Variants in CFAP54 observed in about 807,000 individuals in gnomAD.
CFAP54 encodes cilia and flagella associated protein 54.
In CFAP54, 290 loss-of-function variants were observed where a neutral mutation model predicts 370.4. The observed-to-expected ratio is 0.78, with a 90% CI of 0.71 to 0.86. The LOEUF is 0.86. CFAP54 is among the 40% of genes least tolerant of loss of function. The pLI, the probability that CFAP54 is intolerant of heterozygous loss-of-function variation, is 0.00. For synonymous variants in CFAP54, 1,206 were observed against 1,236.5 expected (o/e 0.98, Z 0.52); for missense variants, 3,399 against 3,528.7 (o/e 0.96, Z 0.93).
At chr12:96,624,871 ATTAG>A (rs1159685667) in intron 28 of CFAP54, among the ~76,000 whole-genome samples, 1 of 152,204 alleles carries the variant, frequency 6.6e-6, no homozygotes, top group Non-Finnish European at 1.5e-5. Flanking sequence ...TATTCCCATA[ATTAG>A]TTTACCTAGC....
chr12:96,874,730 C>T (rs1172895241), intron 67 of CFAP54, among the ~76,000 whole-genome samples: 2 of 147,776 alleles, frequency 1.4e-5, no homozygotes, highest in Admixed American at 6.8e-5. Flanking sequence ...CCCGGGTTCA[C>T]GCCATTCTCC....
intron 67 of CFAP54, among the ~76,000 whole-genome samples, chr12:96,870,210 G>A (rs1049291729): frequency 2.6e-5 from 4 of 151,548 alleles, no homozygotes; most frequent in African/African-American, 7.3e-5. Context: ...GCAGTGAGCC[G>A]AGATCGCACC....
Position 96,786,868 on chromosome 12 carries a change from AG to A in CFAP54, c.8650del (p.Glu2884LysfsTer34). On this transcript the variant is annotated frameshift_variant, in exon 62 of 68. Coordinates refer to ENST00000524981, the MANE Select transcript of CFAP54 (RefSeq NM_001306084.2). LOFTEE classifies it high-confidence loss of function. Reference protein sequence around the residue: ...LCQLENPPLSEKDLRESSAKL... With the variant: ...LCQLENPPLSXKDLRESSAKL... ...GTCAACTGGAAAATCCCCCTCTTTC[AG>A]AAAAAGACTTACGTGAATCATCTGC... The A allele has an allele frequency of 6.5e-7, 1 of 1,534,852 alleles. No individual in the cohort carries two copies. The highest frequency in any genetic ancestry group is 8.7e-7 in the Non-Finnish European group (1 of 1,146,178).
intron 32 of CFAP54, among the ~76,000 whole-genome samples, chr12:96,634,147 C>G (rs1211613653): frequency 4.0e-5 from 6 of 148,884 alleles, no homozygotes; most frequent in African/African-American, 1.5e-4. Flanking sequence ...CCTCCGCCTC[C>G]CCGGTTCAAG....
intron 44 of CFAP54, among the ~76,000 whole-genome samples, chr12:96,692,701 G>A (rs1222224114): frequency 1.3e-5 from 2 of 152,164 alleles, no homozygotes; most frequent in Non-Finnish European, 2.9e-5. Context: ...ACAATTAGAG[G>A]TTCCCCAGGT....
At chr12:96,808,842 G>A (rs1958905840) in intron 63 of CFAP54, among the ~76,000 whole-genome samples, 1 of 152,116 alleles carries the variant, frequency 6.6e-6, no homozygotes. Flanking sequence ...GTTTGTCCAA[G>A]GGCCAATACC....
chr12:96,535,861 A>C (rs1010494), intron 12 of CFAP54, among the ~76,000 whole-genome samples: 3 of 151,828 alleles, frequency 2.0e-5, no homozygotes, highest in Non-Finnish European at 4.4e-5. Context: ...AGTGGTTTTT[A>C]GGAAGAGTTA....
intron 60 of CFAP54, among the ~76,000 whole-genome samples, chr12:96,775,752 C>G (rs73383016): frequency 1.3e-5 from 2 of 151,954 alleles, no homozygotes; most frequent in Non-Finnish European, 2.9e-5. Flanking sequence ...TGAATGACAC[C>G]CTTTAACATT....
chr12:96,629,783 A>G (rs1206874626), intron 30 of CFAP54, among the ~76,000 whole-genome samples: 2 of 152,312 alleles, frequency 1.3e-5, no homozygotes, highest in East Asian at 3.9e-4. Context: ...GTAGTTTCCA[A>G]GATATGAACA....
intron 36 of CFAP54, among the ~76,000 whole-genome samples, chr12:96,656,483 T>A (rs2136511178): frequency 6.6e-6 from 1 of 152,270 alleles, no homozygotes; most frequent in Non-Finnish European, 1.5e-5. Flanking sequence ...GTTCAAGCGA[T>A]TCATTCTCCT....
chr12:96,859,421 G>GTT (rs71078430), intron 66 of CFAP54, among the ~76,000 whole-genome samples: 2 of 147,522 alleles, frequency 1.4e-5, no homozygotes, highest in African/African-American at 2.5e-5. Flanking sequence ...TTTGTTTTTT[G>GTT]TTTTTTTTTT....
At chr12:96,533,429 T>C (rs1383713903) in intron 9 of CFAP54, among the ~76,000 whole-genome samples, 2 of 152,214 alleles carry the variant, frequency 1.3e-5, no homozygotes, top group Non-Finnish European at 2.9e-5. Context: ...GAATCTACTA[T>C]TTACTGTGGA....
At chr12:96,686,385 G>A (rs922436498) in intron 42 of CFAP54, among the ~76,000 whole-genome samples, 1 of 152,164 alleles carries the variant, frequency 6.6e-6, no homozygotes, top group African/African-American at 2.4e-5. Context: ...ATGTTAGGCT[G>A]TTCTTGCTTT....
chr12:96,823,835 C>T (rs541068289), intron 65 of CFAP54, among the ~76,000 whole-genome samples: 3 of 152,222 alleles, frequency 2.0e-5, no homozygotes, highest in East Asian at 1.9e-4. Context: ...GGCAGCACCT[C>T]GCCTGGAAGG....
chr12:96,538,023 G>T (rs1267889437), intron 12 of CFAP54, among the ~76,000 whole-genome samples: 2 of 152,032 alleles, frequency 1.3e-5, no homozygotes, highest in Non-Finnish European at 2.9e-5. Flanking sequence ...GCTGGGATGT[G>T]GAGGTGAGAT....
At chr12:96,736,947 C>T (rs76007906) in intron 50 of CFAP54, among the ~76,000 whole-genome samples, 375 of 152,262 alleles carry the variant, frequency 2.5e-3, no homozygotes, top group South Asian at 7.5e-3. Flanking sequence ...GAGTTTTGAA[C>T]CTGGCTCCTC....
chr12:96,825,405 TATATA>T, intron 65 of CFAP54, among the ~76,000 whole-genome samples: 1 of 120,514 alleles, frequency 8.3e-6, no homozygotes, highest in South Asian at 2.3e-4. Context: ...CATGTTGTAT[TATATA>T]ATATGTAACA....
chr12:96,535,755 T>C lies in CFAP54; in HGVS notation c.1791+155T>C, dbSNP rs530035692. Among the ~76,000 whole-genome samples the C allele has an allele frequency of 4.6e-5, 7 of 152,344 alleles. No homozygotes were observed. The South Asian group carries it at 1.2e-3, about 27-fold the overall frequency. Reference sequence around the variant, plus strand: ...TAGGATTAAGTTAGATTCTGACTTGTAGTTTTAAGTTTCTTTTTATTATTG... The same window carrying C: ...TAGGATTAAGTTAGATTCTGACTTGCAGTTTTAAGTTTCTTTTTATTATTG... On this transcript the variant is annotated intron_variant, in intron 12 of 67. Transcript: ENST00000524981.
chr12:96,786,741 C>CT lies in CFAP54; in HGVS notation c.8523dup (p.Glu2842Ter). On this transcript the variant is annotated frameshift_variant, in exon 62 of 68. Coordinates refer to ENST00000524981, the MANE Select transcript of CFAP54 (RefSeq NM_001306084.2). LOFTEE classifies it high-confidence loss of function. ...ACACTTCTCACATCCCTTTACAACT[C>CT]TGAGTTGATTTTGCGCCAGAAAGAA... 6.5e-7 allele frequency: 1 copy of CT among 1,536,008 alleles called. No individual in the cohort carries two copies. Among genetic ancestry groups the CT allele is most frequent in the East Asian group, 2.4e-5 (1 of 40,904 alleles).
Sources: allele counts gnomAD v4.1 joint callset (sites outside exome capture counted in the v4.1 genomes callset), GRCh38; gene constraint gnomAD v4.1.1; transcripts MANE v1.5; gene names NCBI Gene and HGNC (gene_info 2026-07-23, HGNC 2026-07-21).